Variants in PVT1 observed in about 807,000 individuals in gnomAD.
The protein encoded by PVT1 is CXCR4/PVT1 fusion.
At chr8:128,090,721 T>C (rs1814340420) in intron 5 of PVT1, among the ~76,000 whole-genome samples, 1 of 152,070 alleles carries the variant, frequency 6.6e-6, no homozygotes, top group African/African-American at 2.4e-5. Flanking sequence ...CCCATGCTCA[T>C]TACCACCCTA....
intron 3 of PVT1, among the ~76,000 whole-genome samples, chr8:127,954,640 C>T (rs1216387928): frequency 2.0e-5 from 3 of 152,198 alleles, no homozygotes; most frequent in Admixed American, 2.0e-4. Flanking sequence ...GCCCCCAGTG[C>T]CTCTCCCAGG....
chr8:127,797,515 TA>T (rs1814411267), intron 2 of PVT1, among the ~76,000 whole-genome samples: 1 of 152,178 alleles, frequency 6.6e-6, no homozygotes, highest in Non-Finnish European at 1.5e-5. Context: ...ATATCATCCC[TA>T]GAGAGTCTCA....
intron 5 of PVT1, among the ~76,000 whole-genome samples, chr8:128,095,215 C>T (rs1814411311): frequency 6.6e-6 from 1 of 152,160 alleles, no homozygotes; most frequent in South Asian, 2.1e-4. Context: ...GGGCTGGAAT[C>T]CCAGCTGTGC....
At chr8:128,041,485 C>T (rs1305411820) in intron 4 of PVT1, among the ~76,000 whole-genome samples, 3 of 134,304 alleles carry the variant, frequency 2.2e-5, no homozygotes, top group Admixed American at 1.5e-4. Context: ...GTGCCTGGTG[C>T]GTATGTGTTT....
chr8:127,947,792 T>C (rs776557958), intron 3 of PVT1: 16 of 456,398 alleles, frequency 3.5e-5, no homozygotes, highest in Non-Finnish European at 7.1e-5. Flanking sequence ...GTGAAATAGT[T>C]ACAAATACTA....
chr8:127,828,483 G>A (rs1333719139), intron 2 of PVT1, among the ~76,000 whole-genome samples: 1 of 152,122 alleles, frequency 6.6e-6, no homozygotes, highest in Non-Finnish European at 1.5e-5. Flanking sequence ...CAAGCCCTGT[G>A]TTGTTTATAT....
At chr8:128,006,047 G>C (rs948211746) in intron 4 of PVT1, among the ~76,000 whole-genome samples, 3 of 151,056 alleles carry the variant, frequency 2.0e-5, no homozygotes, top group Non-Finnish European at 4.4e-5. Flanking sequence ...AGGTTGCAGT[G>C]AGCTGAGATT....
intron 5 of PVT1, among the ~76,000 whole-genome samples, chr8:128,078,908 C>T (rs969235456): frequency 6.6e-6 from 1 of 152,082 alleles, no homozygotes; most frequent in Admixed American, 6.5e-5. Context: ...ACCTCAGCAC[C>T]CCCCGAGTAG....
At chr8:127,835,632 C>T (rs12545744) in intron 2 of PVT1, among the ~76,000 whole-genome samples, 3 of 152,134 alleles carry the variant, frequency 2.0e-5, no homozygotes, top group Admixed American at 6.5e-5. Context: ...CAAAAAACCT[C>T]CACAAAAACC....
chr8:127,952,794 T>C (rs2129929624), intron 3 of PVT1, among the ~76,000 whole-genome samples: 1 of 150,510 alleles, frequency 6.6e-6, no homozygotes, highest in South Asian at 2.1e-4. Flanking sequence ...AGACGGAGTC[T>C]CGCTCTGTGG....
At chr8:127,928,637 G>T (rs566718323) in intron 3 of PVT1, among the ~76,000 whole-genome samples, 1 of 152,340 alleles carries the variant, frequency 6.6e-6, no homozygotes, top group East Asian at 1.9e-4. Context: ...CCCCAGAGGG[G>T]TGCGGTGAGT....
At chr8:128,043,773 TACACACACACAC>T (rs112991135) in intron 4 of PVT1, among the ~76,000 whole-genome samples, 5 of 140,802 alleles carry the variant, frequency 3.6e-5, no homozygotes, top group Admixed American at 7.1e-5. Flanking sequence ...AACTATTTCC[TACACACACACAC>T]ACACACACAC....
chr8:127,824,494 G>A (rs774838851), intron 2 of PVT1, among the ~76,000 whole-genome samples: 95 of 152,254 alleles, frequency 6.2e-4, no homozygotes, highest in Non-Finnish European at 6.8e-4. Flanking sequence ...ATCCAGGAGC[G>A]TGGGTCATCA....
chr8:127,876,225 A>C (rs1301542413), intron 2 of PVT1, among the ~76,000 whole-genome samples: 1 of 150,328 alleles, frequency 6.7e-6, no homozygotes, highest in African/African-American at 2.5e-5. Flanking sequence ...GAAAACATAC[A>C]GTGATTCACA....
At chr8:127,970,968 G>A (rs1329153160) in intron 3 of PVT1, among the ~76,000 whole-genome samples, 1 of 152,160 alleles carries the variant, frequency 6.6e-6, no homozygotes, top group Non-Finnish European at 1.5e-5. Flanking sequence ...AAATAAAATT[G>A]TATTGGCACA....
chr8:127,880,318 T>G (rs1027894827), intron 2 of PVT1, among the ~76,000 whole-genome samples: 9 of 152,004 alleles, frequency 5.9e-5, no homozygotes, highest in Non-Finnish European at 1.3e-4. Context: ...TGAGACGGAG[T>G]CTTGCTCTGT....
At chr8:128,078,509 G>A (rs1438793079) in intron 5 of PVT1, among the ~76,000 whole-genome samples, 1 of 152,198 alleles carries the variant, frequency 6.6e-6, no homozygotes, top group African/African-American at 2.4e-5. Context: ...TTAGTACTAA[G>A]AACAGTGGCT....
intron 5 of PVT1, among the ~76,000 whole-genome samples, chr8:128,093,690 C>T (rs1035221830): frequency 1.4e-4 from 21 of 151,926 alleles, no homozygotes; most frequent in Non-Finnish European, 2.1e-4. Flanking sequence ...CAGGCTGGAG[C>T]GCTACAGCAC....
chr8:127,848,062 C>T (rs553635936), intron 2 of PVT1, among the ~76,000 whole-genome samples: 16 of 152,024 alleles, frequency 1.1e-4, no homozygotes, highest in Admixed American at 7.9e-4. Context: ...ATATTGAAAT[C>T]GGGAGCAGCT....
Sources: allele counts gnomAD v4.1 joint callset (sites outside exome capture counted in the v4.1 genomes callset), GRCh38; gene constraint gnomAD v4.1.1; transcripts MANE v1.5; gene names NCBI Gene and HGNC (gene_info 2026-07-23, HGNC 2026-07-21).